Variants in UBE2G1 observed in about 807,000 individuals in gnomAD.
The protein encoded by UBE2G1 is ubiquitin conjugating enzyme E2 G1.
Under a neutral mutation model 22.7 loss-of-function variants are expected in UBE2G1, and 5 were observed. That is an observed-to-expected ratio of 0.22 (90% CI 0.12 to 0.46). UBE2G1 has a LOEUF of 0.46. UBE2G1 is among the 20% of genes least tolerant of loss of function. The pLI is 0.99. For synonymous variants in UBE2G1, 74 were observed against 67.5 expected (o/e 1.10, Z -0.47); for missense variants, 88 against 203.9 (o/e 0.43, Z 3.46).
chr17:4,361,885 T>C (rs1969972377), intron 1 of UBE2G1, among the ~76,000 whole-genome samples: 1 of 150,076 alleles, frequency 6.7e-6, no homozygotes, highest in Admixed American at 6.7e-5. Flanking sequence ...GAGGTTGCAC[T>C]TAGCGGAGAT....
At chr17:4,318,822 C>T (rs1007553214) in intron 1 of UBE2G1, among the ~76,000 whole-genome samples, 5 of 152,186 alleles carry the variant, frequency 3.3e-5, no homozygotes, top group Admixed American at 2.6e-4. Flanking sequence ...GAAGCAAGCA[C>T]AGTCATGAGA....
intron 1 of UBE2G1, among the ~76,000 whole-genome samples, chr17:4,313,150 A>G (rs1187386957): frequency 6.6e-6 from 1 of 152,232 alleles, no homozygotes; most frequent in African/African-American, 2.4e-5. Context: ...AAAGAGGTAT[A>G]AAACCTAACT....
chr17:4,300,556 A>G (rs1194635213), intron 2 of UBE2G1, among the ~76,000 whole-genome samples: 7 of 151,846 alleles, frequency 4.6e-5, no homozygotes, highest in Admixed American at 1.3e-4. Context: ...AAATAATAAT[A>G]ATAAATAAAT....
intron 5 of UBE2G1, among the ~76,000 whole-genome samples, chr17:4,273,677 C>A (rs924819724): frequency 8.3e-6 from 1 of 120,560 alleles, no homozygotes; most frequent in Non-Finnish European, 1.6e-5. Flanking sequence ...GACTATTAGA[C>A]TTTTCAGAGT....
At chr17:4,312,040 G>A (rs1261404287) in intron 1 of UBE2G1, among the ~76,000 whole-genome samples, 1 of 146,400 alleles carries the variant, frequency 6.8e-6, no homozygotes, top group Non-Finnish European at 1.5e-5. Flanking sequence ...TGAGGTGAGG[G>A]AGTTCGAGAC....
chr17:4,344,651 G>C (rs9907880), intron 1 of UBE2G1, among the ~76,000 whole-genome samples: 1 of 151,566 alleles, frequency 6.6e-6, no homozygotes, highest in Non-Finnish European at 1.5e-5. Flanking sequence ...GTTTGAGACC[G>C]GCCTGGGCAA....
At chr17:4,338,239 T>C (rs1441503140) in intron 1 of UBE2G1, among the ~76,000 whole-genome samples, 2 of 150,484 alleles carry the variant, frequency 1.3e-5, no homozygotes, top group Non-Finnish European at 3.0e-5. Context: ...AGACAAACTA[T>C]TAGCTGGACT....
At chr17:4,295,587 G>A (rs1340234575) in intron 3 of UBE2G1, among the ~76,000 whole-genome samples, 1 of 152,094 alleles carries the variant, frequency 6.6e-6, no homozygotes, top group Non-Finnish European at 1.5e-5. Flanking sequence ...ATGATGCGAA[G>A]CCAAATGCAA....
chr17:4,358,113 TAC>T (rs910083669), intron 1 of UBE2G1, among the ~76,000 whole-genome samples: 3 of 152,206 alleles, frequency 2.0e-5, no homozygotes, highest in East Asian at 1.9e-4. Context: ...CATTTAGTGT[TAC>T]AGTTTTTTTA....
chr17:4,298,964 CTT>C (rs1969142429), intron 2 of UBE2G1, among the ~76,000 whole-genome samples: 1 of 152,110 alleles, frequency 6.6e-6, no homozygotes, highest in Admixed American at 6.6e-5. Context: ...AGAGTTAAGT[CTT>C]TATCTACTGA....
At chr17:4,340,767 AT>A (rs58562464) in intron 1 of UBE2G1, among the ~76,000 whole-genome samples, 388 of 150,346 alleles carry the variant, frequency 2.6e-3, no homozygotes, top group African/African-American at 8.8e-3. Context: ...CCAACATACT[AT>A]TTTTTTTTAT....
At chr17:4,363,136 C>A (rs1969988244) in intron 1 of UBE2G1, among the ~76,000 whole-genome samples, 1 of 152,070 alleles carries the variant, frequency 6.6e-6, no homozygotes, top group Non-Finnish European at 1.5e-5. Context: ...TAAAATAAAA[C>A]AAGGCTTTTA....
chr17:4,339,781 G>A (rs1195131094), intron 1 of UBE2G1, among the ~76,000 whole-genome samples: 1 of 152,040 alleles, frequency 6.6e-6, no homozygotes, highest in African/African-American at 2.4e-5. Context: ...CCCGGGAGGT[G>A]GAGGTTGCGG....
intron 1 of UBE2G1, among the ~76,000 whole-genome samples, chr17:4,361,204 C>G (rs1214272101): frequency 6.6e-6 from 1 of 151,286 alleles, no homozygotes; most frequent in Non-Finnish European, 1.5e-5. Context: ...GACTGGGTGA[C>G]AGAACAAGAC....
intron 3 of UBE2G1, among the ~76,000 whole-genome samples, chr17:4,289,977 C>G (rs1438909049): frequency 6.6e-6 from 1 of 152,102 alleles, no homozygotes; most frequent in East Asian, 1.9e-4. Flanking sequence ...GAAAACTCAT[C>G]AACATATACG....
At chr17:4,296,314 G>A (rs544332898) in intron 3 of UBE2G1, among the ~76,000 whole-genome samples, 1 of 152,276 alleles carries the variant, frequency 6.6e-6, no homozygotes, top group South Asian at 2.1e-4. Context: ...CCAGGCTGGA[G>A]TGCAGTGGTG....
At chr17:4,335,249 G>A (rs1254510419) in intron 1 of UBE2G1, 1 of 152,126 alleles carries the variant, frequency 6.6e-6, no homozygotes, top group Non-Finnish European at 1.5e-5. Context: ...CCAAGACCGA[G>A]TTATATCCTG....
chr17:4,285,765 C>T lies in UBE2G1; in HGVS notation c.427-2844G>A, dbSNP rs112350045. The stretch of plus-strand genomic sequence containing the variant: ...AAGTAATCAAGACCATCCTGGCCAA[C>T]ATGGTGAAACCCCATCTCTACTAAA... On this transcript the variant is annotated intron_variant, in intron 4 of 5. Coordinates refer to ENST00000396981, the MANE Select transcript of UBE2G1 (RefSeq NM_003342.5). Among the ~76,000 whole-genome samples the T allele has an allele frequency of 9.7e-4, 147 of 152,136 alleles. 1 individual carries two copies. The highest frequency in any genetic ancestry group is 3.3e-3 in the African/African-American group (138 of 41,500).
intron 5 of UBE2G1, among the ~76,000 whole-genome samples, chr17:4,278,378 C>T (rs776842405): frequency 2.0e-5 from 3 of 152,094 alleles, no homozygotes; most frequent in Non-Finnish European, 4.4e-5. Context: ...CACTGGAAGA[C>T]AAATTGTCTT....
Sources: gnomAD v4.1 joint callset for allele counts (sites outside exome capture counted in the v4.1 genomes callset) on GRCh38, gnomAD v4.1.1 for gene constraint, MANE v1.5 for transcripts, NCBI Gene and HGNC (gene_info 2026-07-23, HGNC 2026-07-21) for gene names.